The following MECOM variants were observed in gnomAD, a reference collection of about 807,000 sequenced individuals.
MECOM encodes MDS1 and EVI1 complex locus, also known as histone-lysine N-methyltransferase MECOM.
A neutral mutation model predicts 116.3 loss-of-function variants in MECOM; 13 were observed. The observed-to-expected ratio is 0.11, with a 90% confidence interval of 0.07 to 0.18. The LOEUF is 0.18. Ranked by LOEUF, MECOM falls within the 10% of genes least tolerant of loss-of-function variation. The pLI is 1.00. For synonymous variants in MECOM, 528 were observed against 535.2 expected (o/e 0.99, Z 0.19); for missense variants, 1,299 against 1,509.0 (o/e 0.86, Z 2.31).
intron 1 of MECOM, among the ~76,000 whole-genome samples, chr3:169,524,043 T>A (rs767041976): frequency 1.9e-4 from 22 of 115,362 alleles, no homozygotes; most frequent in Admixed American, 1.1e-3. Flanking sequence ...TGAATAAATA[T>A]ATATATATAT....
intron 1 of MECOM, among the ~76,000 whole-genome samples, chr3:169,393,203 T>C (rs1034634866): frequency 6.6e-6 from 1 of 152,178 alleles, no homozygotes; most frequent in African/African-American, 2.4e-5. Context: ...TATTCCAAAC[T>C]GACCAGAGAT....
chr3:169,230,075 C>T (rs1753188881), intron 2 of MECOM, among the ~76,000 whole-genome samples: 1 of 152,086 alleles, frequency 6.6e-6, no homozygotes, highest in Non-Finnish European at 1.5e-5. Flanking sequence ...CAAATACTCT[C>T]TTTGGATTTA....
intron 2 of MECOM, among the ~76,000 whole-genome samples, chr3:169,324,233 G>A (rs1185212868): frequency 6.6e-6 from 1 of 152,170 alleles, no homozygotes; most frequent in African/African-American, 2.4e-5. Context: ...TGGGAGGTGG[G>A]TATTATTGTC....
intron 1 of MECOM, among the ~76,000 whole-genome samples, chr3:169,637,637 A>T (rs1772982381): frequency 1.3e-5 from 2 of 152,234 alleles, no homozygotes; most frequent in African/African-American, 2.4e-5. Context: ...CAACAGTAAA[A>T]TCTTACGTAA....
chr3:169,261,824 A>G (rs2149614223), intron 2 of MECOM, among the ~76,000 whole-genome samples: 1 of 152,352 alleles, frequency 6.6e-6, no homozygotes, highest in Non-Finnish European at 1.5e-5. Flanking sequence ...GGTCCTAACC[A>G]CTTGCTGGGC....
At chr3:169,476,389 C>G (rs1750376993) in intron 1 of MECOM, among the ~76,000 whole-genome samples, 2 of 152,306 alleles carry the variant, frequency 1.3e-5, no homozygotes, top group Admixed American at 6.5e-5. Flanking sequence ...TCACTCAGAT[C>G]TATGTTCCAG....
intron 1 of MECOM, among the ~76,000 whole-genome samples, chr3:169,633,745 G>A (rs907523135): frequency 5.3e-5 from 8 of 152,038 alleles, no homozygotes; most frequent in South Asian, 2.1e-4. Context: ...GCCATGCTTC[G>A]TCAGCCAGCT....
chr3:169,599,511 C>CAAA (rs535539075), intron 1 of MECOM, among the ~76,000 whole-genome samples: 1 of 94,552 alleles, frequency 1.1e-5, no homozygotes, highest in Admixed American at 1.1e-4. Context: ...GACTCTGTCT[C>CAAA]AAAAAAAAAA....
chr3:169,595,239 T>C (rs898420903), intron 1 of MECOM, among the ~76,000 whole-genome samples: 14 of 152,106 alleles, frequency 9.2e-5, no homozygotes, highest in African/African-American at 3.1e-4. Flanking sequence ...CAAATTACCT[T>C]TCTAAACCCA....
intron 2 of MECOM, among the ~76,000 whole-genome samples, chr3:169,365,928 G>A (rs1462781774): frequency 1.3e-5 from 2 of 151,996 alleles, no homozygotes; most frequent in African/African-American, 2.4e-5. Flanking sequence ...TATCTATCAA[G>A]CATCTATTTC....
chr3:169,425,931 A>C (rs533796171), intron 1 of MECOM, among the ~76,000 whole-genome samples: 2 of 152,296 alleles, frequency 1.3e-5, no homozygotes, highest in South Asian at 4.1e-4. Flanking sequence ...TGGTAACAGG[A>C]TCTATACAGA....
chr3:169,493,006 C>G (rs535528285), intron 1 of MECOM, among the ~76,000 whole-genome samples: 216 of 152,214 alleles, frequency 1.4e-3, no homozygotes, highest in Middle Eastern at 3.4e-3. Context: ...ATAATCGTAC[C>G]TACCTGTCTT....
At chr3:169,195,873 T>C (rs572361038) in intron 2 of MECOM, among the ~76,000 whole-genome samples, 1 of 152,154 alleles carries the variant, frequency 6.6e-6, no homozygotes, top group East Asian at 1.9e-4. Flanking sequence ...TAAATACTCA[T>C]TCAACTCAAA....
intron 2 of MECOM, among the ~76,000 whole-genome samples, chr3:169,167,130 G>A (rs1412649043): frequency 6.6e-6 from 1 of 152,082 alleles, no homozygotes; most frequent in Non-Finnish European, 1.5e-5. Flanking sequence ...GCATGCTACC[G>A]TGTCTGGCTA....
intron 1 of MECOM, among the ~76,000 whole-genome samples, chr3:169,542,068 A>G (rs547436046): frequency 6.6e-6 from 1 of 152,244 alleles, no homozygotes; most frequent in Non-Finnish European, 1.5e-5. Flanking sequence ...AGATGGCCAC[A>G]GAATATAATG....
intron 1 of MECOM, among the ~76,000 whole-genome samples, chr3:169,426,502 C>A (rs1740722704): frequency 6.6e-6 from 1 of 152,170 alleles, no homozygotes; most frequent in African/African-American, 2.4e-5. Context: ...ACACCTGGAG[C>A]ATCCAAACAT....
intron 2 of MECOM, among the ~76,000 whole-genome samples, chr3:169,367,542 G>A (rs1002732219): frequency 6.6e-6 from 1 of 152,066 alleles, no homozygotes; most frequent in Non-Finnish European, 1.5e-5. Context: ...ATTTGCCTGT[G>A]TGTGTCGTAG....
At chr3:169,594,131 C>T (rs1361714921) in intron 1 of MECOM, among the ~76,000 whole-genome samples, 3 of 117,002 alleles carry the variant, frequency 2.6e-5, no homozygotes, top group East Asian at 5.6e-4. Context: ...GACTCCATCT[C>T]AACGACAACA....
intron 2 of MECOM, among the ~76,000 whole-genome samples, chr3:169,258,041 C>T (rs1041421743): frequency 1.3e-5 from 2 of 151,898 alleles, no homozygotes; most frequent in African/African-American, 4.8e-5. Context: ...ACCAACATGG[C>T]GAAACCCCAT....
Sources: gnomAD v4.1 joint callset for allele counts (sites outside exome capture counted in the v4.1 genomes callset) on GRCh38, gnomAD v4.1.1 for gene constraint, MANE v1.5 for transcripts, NCBI Gene and HGNC (gene_info 2026-07-23, HGNC 2026-07-21) for gene names.